The following CPEB1 variants were observed in gnomAD, a reference collection of about 807,000 sequenced individuals.
CPEB1 encodes cytoplasmic polyadenylation element-binding protein 1.
A neutral mutation model predicts 65.8 loss-of-function variants in CPEB1; 7 were observed. That is an observed-to-expected ratio of 0.11 (90% CI 0.06 to 0.20). The LOEUF (loss-of-function observed/expected upper bound fraction) is 0.20, where lower values mean the gene tolerates loss of function less well. Among genes scored for constraint, CPEB1 ranks in the 10% least tolerant of loss-of-function variants. The pLI, the probability that CPEB1 is intolerant of heterozygous loss-of-function variation, is 1.00. For synonymous variants in CPEB1, 262 were observed against 260.0 expected (o/e 1.01, Z -0.08); for missense variants, 551 against 712.2 (o/e 0.77, Z 2.58).
chr15:82,599,587 C>G (rs2042935984), intron 3 of CPEB1, among the ~76,000 whole-genome samples: 2 of 152,118 alleles, frequency 1.3e-5, no homozygotes, highest in South Asian at 4.1e-4. Flanking sequence ...AAGCAAAATA[C>G]CAGAACACAA....
At chr15:82,608,605 C>G (rs1056441557) in intron 3 of CPEB1, among the ~76,000 whole-genome samples, 1 of 152,176 alleles carries the variant, frequency 6.6e-6, no homozygotes, top group Non-Finnish European at 1.5e-5. Flanking sequence ...AGTTTTTAAA[C>G]AAATACTCCC....
intron 3 of CPEB1, among the ~76,000 whole-genome samples, chr15:82,605,436 C>T (rs1036593765): frequency 5.9e-5 from 9 of 151,598 alleles, no homozygotes; most frequent in Non-Finnish European, 1.3e-4. Flanking sequence ...AAGTTTTGAC[C>T]AGGATAAAAA....
At chr15:82,547,699 G>A (rs967899551) in intron 10 of CPEB1, among the ~76,000 whole-genome samples, 4 of 151,898 alleles carry the variant, frequency 2.6e-5, no homozygotes, top group Admixed American at 1.3e-4. Flanking sequence ...TTGAGACAGG[G>A]TCTCCCTCTG....
At chr15:82,559,279 T>C (rs1414753942) in intron 4 of CPEB1, among the ~76,000 whole-genome samples, 1 of 152,200 alleles carries the variant, frequency 6.6e-6, no homozygotes, top group Non-Finnish European at 1.5e-5. Flanking sequence ...TCTGTTAATA[T>C]GGGACCAGAC....
At chr15:82,638,272 T>C (rs1296953385) in intron 1 of CPEB1, among the ~76,000 whole-genome samples, 12 of 152,230 alleles carry the variant, frequency 7.9e-5, no homozygotes, top group Non-Finnish European at 2.9e-5. Flanking sequence ...CATATGCTGT[T>C]ACATTAAAAC....
chr15:82,567,476 T>C lies in CPEB1; in HGVS notation c.460+3868A>G, dbSNP rs1160586716. On this transcript the variant is annotated intron_variant, in intron 4 of 12. Transcript: ENST00000684509. ...AGATGGTGAAACCCCGTCTCTACTT[T>C]AAAAAAAAAAATTAGCTCGGTGTGG... is the stretch of plus-strand genomic sequence containing the variant. 6.8e-5 allele frequency among the ~76,000 whole-genome samples: 10 copies of C among 147,120 alleles called. No homozygotes were observed. The East Asian group carries it at 2.0e-3, about 29-fold the overall frequency.
chr15:82,623,551 C>T (rs1452289129), intron 3 of CPEB1, among the ~76,000 whole-genome samples: 4 of 152,084 alleles, frequency 2.6e-5, no homozygotes, highest in African/African-American at 9.7e-5. Flanking sequence ...TGGGGCATAC[C>T]CGTAATCCCA....
chr15:82,600,047 ATT>A (rs2042972258), intron 3 of CPEB1, among the ~76,000 whole-genome samples: 1 of 152,212 alleles, frequency 6.6e-6, no homozygotes, highest in Non-Finnish European at 1.5e-5. Flanking sequence ...ATGGTTGTAA[ATT>A]GAGTAATGAA....
intron 4 of CPEB1, among the ~76,000 whole-genome samples, chr15:82,559,061 C>T (rs1457589997): frequency 2.0e-5 from 3 of 152,188 alleles, no homozygotes; most frequent in Non-Finnish European, 2.9e-5. Context: ...ATTGGCCCCA[C>T]TTCCGCCCTG....
intron 1 of CPEB1, chr15:82,629,544 C>T (rs2046066089): frequency 1.2e-5 from 12 of 985,296 alleles, no homozygotes; most frequent in Non-Finnish European, 1.4e-5. Flanking sequence ...ACCAGATGCC[C>T]AAAGCAGAAA....
intron 3 of CPEB1, among the ~76,000 whole-genome samples, chr15:82,625,947 C>T (rs1379562580): frequency 1.3e-5 from 2 of 151,606 alleles, no homozygotes; most frequent in African/African-American, 4.9e-5. Context: ...GGCGAAACCC[C>T]ATCTCTACTA....
At chr15:82,629,918 G>C in intron 1 of CPEB1, 3 of 985,334 alleles carry the variant, frequency 3.0e-6, no homozygotes, top group Non-Finnish European at 3.6e-6. Flanking sequence ...TTGAAGATTG[G>C]TACCCTCTGC....
At position 82,552,545 on chromosome 15, in the gene CPEB1, G is replaced by A; in HGVS notation, c.1216C>T (p.Leu406=). 6.2e-7 allele frequency: 1 copy of A among 1,611,830 alleles called. No individual in the cohort carries two copies. The highest frequency in any genetic ancestry group is 8.5e-7 in the Non-Finnish European group (1 of 1,179,164). The change falls in exon 9 of 13, where the codon CTG becomes TTG. Residue 406 remains leucine (L), a synonymous_variant. Transcript: ENST00000684509. The part of the protein sequence containing the change: ...SLLQACSHDP[L]SPDGLSEYYF... ...TATTCACTCAGGCCATCTGGGCTCA[G>A]CGGGTCATGAGAGCAAGCCTGAAGC...
intron 1 of CPEB1, chr15:82,629,645 T>C (rs766121949): frequency 7.3e-5 from 72 of 985,036 alleles, no homozygotes; most frequent in Non-Finnish European, 8.3e-5. Context: ...ACAGATTGAG[T>C]TTTTTAAGGG....
At chr15:82,545,971 T>G (rs2035122779) in intron 12 of CPEB1, among the ~76,000 whole-genome samples, 1 of 150,002 alleles carries the variant, frequency 6.7e-6, no homozygotes, top group Non-Finnish European at 1.5e-5. Flanking sequence ...TCAACATATT[T>G]TCTTAAGAGT....
At chr15:82,614,486 T>C (rs1046259222) in intron 3 of CPEB1, among the ~76,000 whole-genome samples, 1 of 152,116 alleles carries the variant, frequency 6.6e-6, no homozygotes, top group Non-Finnish European at 1.5e-5. Context: ...TCACTAAAAA[T>C]TACTGAAGTC....
At chr15:82,607,765 AATCT>A (rs1321135297) in intron 3 of CPEB1, among the ~76,000 whole-genome samples, 1 of 152,232 alleles carries the variant, frequency 6.6e-6, no homozygotes, top group Admixed American at 6.5e-5. Context: ...TAAAAGGGTT[AATCT>A]ATCAAAAAAA....
chr15:82,638,054 G>A (rs1455217313), intron 1 of CPEB1: 1 of 439,724 alleles, frequency 2.3e-6, no homozygotes, highest in East Asian at 7.0e-5. Flanking sequence ...TTTCTGGTCT[G>A]TTTCTGTATT....
intron 2 of CPEB1, 193 bp downstream of exon 2, chr15:82,628,171 C>T: frequency 1.4e-6 from 1 of 698,974 alleles, no homozygotes; most frequent in Non-Finnish European, 2.6e-6. Context: ...CAGAAAAATC[C>T]ATGAAAGCCA....
Sources: allele counts gnomAD v4.1 joint callset (sites outside exome capture counted in the v4.1 genomes callset), GRCh38; gene constraint gnomAD v4.1.1; transcripts MANE v1.5; gene names NCBI Gene and HGNC (gene_info 2026-07-23, HGNC 2026-07-21).